FN1: variants seen among roughly 807,000 people sequenced by gnomAD.
FN1 encodes fibronectin.
Under a neutral mutation model 297.3 loss-of-function variants are expected in FN1, and 106 were observed. That is an observed-to-expected ratio of 0.36 (90% CI 0.30 to 0.42). FN1 has a LOEUF of 0.42. Among genes scored for constraint, FN1 ranks in the 10% least tolerant of loss-of-function variants. FN1 has a pLI of 1.00. For synonymous variants in FN1, 1,149 were observed against 1,152.6 expected, an observed-to-expected ratio of 1.00 and a Z score of 0.06; for missense variants, 2,690 against 3,124.9, an observed-to-expected ratio of 0.86 and a Z score of 3.32.
At chr2:215,393,965 C>T (rs935550818) in intron 24 of FN1, among the ~76,000 whole-genome samples, 5 of 152,126 alleles carry the variant, frequency 3.3e-5, no homozygotes, top group Non-Finnish European at 7.4e-5. Flanking sequence ...GTCTTTCAAG[C>T]CACAAGAAAG....
intron 12 of FN1, 121 bp downstream of exon 12, chr2:215,419,118 TAAC>T (rs1340596737): frequency 4.0e-6 from 3 of 758,198 alleles, no homozygotes; most frequent in Non-Finnish European, 6.9e-6. Flanking sequence ...TATTAGATAA[TAAC>T]AAGAGAAAAG....
chr2:215,362,197 T>C, intron 44 of FN1, 118 bp from the exon 45 acceptor site: 1 of 734,276 alleles, frequency 1.4e-6, no homozygotes, highest in Non-Finnish European at 2.4e-6. Flanking sequence ...TATAAGCAGT[T>C]AATCACTAAG....
chr2:215,375,769 G>T, intron 36 of FN1, 51 bp from the exon 37 acceptor site: 2 of 1,214,470 alleles, frequency 1.6e-6, no homozygotes, highest in South Asian at 1.2e-5. Flanking sequence ...TTTACTAGGA[G>T]AATTCTCAAG....
At chr2:215,407,961 CACA>C in intron 17 of FN1, 144 bp downstream of exon 17, 5 of 559,102 alleles carry the variant, frequency 8.9e-6, no homozygotes, top group South Asian at 2.2e-5. Flanking sequence ...CCGCCACACA[CACA>C]CACACACACA....
At chr2:215,380,570 G>T in intron 33 of FN1, 1 of 565,386 alleles carries the variant, frequency 1.8e-6, no homozygotes, top group Non-Finnish European at 3.2e-6. Context: ...CTCTTCAAAT[G>T]TCTTGCTTTA....
Position 215,375,693 on chromosome 2 carries a change from C to T in FN1, c.5913G>A (p.Lys1971=). ...TGTCATTCAAGGTGTACAGGTAGAT[C>T]TTGTAGTCAGTGCCTGGTTGTAAAC... ...ITGLQPGTDY[K]IYLYTLNDNA... Residue 1971 remains lysine (K), a synonymous_variant, in exon 37 of 46, where the codon AAG becomes AAA. Transcript: ENST00000354785. 1 of 1,612,702 alleles carries T rather than the reference C, an allele frequency of 6.2e-7. No individual in the cohort carries two copies. The highest frequency in any genetic ancestry group is 8.5e-7 in the Non-Finnish European group (1 of 1,178,748).
chr2:215,392,806 C>G, intron 25 of FN1, 125 bp downstream of exon 25: 1 of 1,055,382 alleles, frequency 9.5e-7, no homozygotes, highest in East Asian at 2.4e-5. Flanking sequence ...TCCCCCCAAT[C>G]CACCCTATCT....
At chr2:215,361,771 C>T in intron 45 of FN1, 145 bp from the exon 46 acceptor site, 2 of 991,654 alleles carry the variant, frequency 2.0e-6, no homozygotes, top group Admixed American at 2.0e-5. Flanking sequence ...TAGCAGCATA[C>T]TGGGCAATAG....
chr2:215,367,818 T>C (rs957382524), intron 42 of FN1, 45 bp downstream of exon 42: 2 of 1,603,762 alleles, frequency 1.2e-6, no homozygotes, highest in Non-Finnish European at 1.7e-6. Flanking sequence ...TGCATGGAAC[T>C]TGAGGAGACA....
chr2:215,361,970 G>A lies in FN1; in HGVS notation c.7361C>T (p.Thr2454Ile). The A allele has an allele frequency of 6.2e-7, 1 of 1,612,894 alleles. No homozygotes were observed. Among genetic ancestry groups the A allele is most frequent in the Non-Finnish European group, 8.5e-7 (1 of 1,179,058 alleles). Residue 2454 changes from threonine (T) to isoleucine (I), a missense_variant and splice_region_variant, in exon 45 of 46, where the codon ACT (threonine) becomes ATT (isoleucine). Thr to Ile is a moderately conservative substitution (Grantham distance 89). Coordinates refer to ENST00000354785, the MANE Select transcript of FN1 (RefSeq NM_212482.4). ...YSQRYHQRTN[T>I]NVNCPIECFM... Reference sequence around the variant, plus strand: ...CACTTGTGCTGCTAATGCACTTACAGTGTTTGTTCTCTGATGGTATCTCTG... The same window carrying A: ...CACTTGTGCTGCTAATGCACTTACAATGTTTGTTCTCTGATGGTATCTCTG...
At position 215,419,280 on chromosome 2, in the gene FN1, A is replaced by G. The variant is rs200349666; in HGVS notation, c.1781T>C (p.Ile594Thr). The G allele has an allele frequency of 9.4e-5, 152 of 1,613,632 alleles. 1 individual carries two copies. The East Asian group carries it at 3.1e-3, about 33-fold the overall frequency. ...TAAAGGTTGGCAATGCCACTCCCCA[A>G]TGCCACGGCCATAGCAGTAGCACTG... ...RYQCYCYGRG[I>T]GEWHCQPLQT... The change falls in exon 12 of 46, where the codon ATT becomes ACT. Residue 594 changes from isoleucine to threonine, a missense_variant. Transcript: ENST00000354785.
rs149488353 is a variant in FN1 at position 215,387,062 on chromosome 2, C to T, written c.4343-104G>A. On this transcript the variant is annotated intron_variant, in intron 27 of 45. Transcript: ENST00000354785. ...GGAAATTAACGTACATCCAACATTTCGTTCCTGTCTCATCAATACCATGAT... is the reference window on the plus strand; with the variant it reads ...GGAAATTAACGTACATCCAACATTTTGTTCCTGTCTCATCAATACCATGAT... The T allele has an allele frequency of 1.6e-3, 1,648 of 1,012,942 alleles. 3 individuals are homozygous for T. Among genetic ancestry groups the T allele is most frequent in the African/African-American group, 7.8e-3 (481 of 61,396 alleles). The allele number at this position is 1,012,942 out of a possible 1,614,324, so 62.7% of individuals were successfully genotyped here.
intron 15 of FN1, 117 bp from the exon 16 acceptor site, chr2:215,408,543 G>A: frequency 1.0e-6 from 1 of 960,632 alleles, no homozygotes; most frequent in Non-Finnish European, 1.7e-6. Context: ...GCGACTAGAA[G>A]GTAATGTGCT....
intron 17 of FN1, 51 bp downstream of exon 17, chr2:215,408,057 T>C: frequency 7.1e-7 from 1 of 1,415,150 alleles, no homozygotes; most frequent in Non-Finnish European, 1.0e-6. Flanking sequence ...CCCTCCCTGC[T>C]GATGTCATTA....
chr2:215,365,690 A>C, intron 42 of FN1, 60 bp from the exon 43 acceptor site: 1 of 1,569,742 alleles, frequency 6.4e-7, no homozygotes. Context: ...CTCACAAGAC[A>C]GTAGGTGAAC....
chr2:215,367,243 A>G (rs557132734), intron 42 of FN1, among the ~76,000 whole-genome samples: 2 of 152,362 alleles, frequency 1.3e-5, no homozygotes, highest in Non-Finnish European at 2.9e-5. Flanking sequence ...TCCTAGGCAC[A>G]TTTTAACTTA....
Position 215,361,578 on chromosome 2 carries a change from C to T in FN1, c.7411G>A (p.Asp2471Asn), listed in dbSNP as rs1373375768. The change falls in exon 46 of 46, where the codon GAC (aspartate) becomes AAC (asparagine). Residue 2471 changes from aspartate to asparagine, a missense_variant. Transcript: ENST00000354785. ...ATTTACTCTCGGGAATCTTCTCTGT[C>T]AGCCTGTACATCTAAAGGCATGAAG... ...ECFMPLDVQA[D>N]REDSRE The T allele has an allele frequency of 6.2e-7, 1 of 1,611,254 alleles. No homozygotes were observed. The highest frequency in any genetic ancestry group is 8.5e-7 in the Non-Finnish European group (1 of 1,177,524).
chr2:215,384,237 A>G, intron 29 of FN1, 53 bp from the exon 30 acceptor site: 1 of 1,539,710 alleles, frequency 6.5e-7, no homozygotes, highest in Non-Finnish European at 9.0e-7. Flanking sequence ...CTACTTGGGT[A>G]TTACTGATTA....
At chr2:215,394,487 G>T in intron 24 of FN1, 41 bp downstream of exon 24, 1 of 1,480,242 alleles carries the variant, frequency 6.8e-7, no homozygotes, top group Non-Finnish European at 9.4e-7. Context: ...CACTCTTATT[G>T]GAAGTGTCAC....
Sources: gnomAD v4.1 joint callset for allele counts (sites outside exome capture counted in the v4.1 genomes callset) on GRCh38, gnomAD v4.1.1 for gene constraint, MANE v1.5 for transcripts, NCBI Gene and HGNC (gene_info 2026-07-23, HGNC 2026-07-21) for gene names.